ESRRG: variants seen among roughly 807,000 people sequenced by gnomAD.
ESRRG encodes estrogen related receptor gamma, also known as estrogen-related receptor gamma.
ESRRG carries 13 observed loss-of-function variants against 44.0 expected under a neutral mutation model. The observed-to-expected ratio is 0.30, with a 90% CI of 0.19 to 0.47. The LOEUF is 0.47. Ranked by LOEUF, ESRRG falls within the 20% of genes least tolerant of loss-of-function variation. ESRRG has a pLI of 1.00. For missense variants in ESRRG, 395 were observed against 580.6 expected, an observed-to-expected ratio of 0.68 and a Z score of 3.29; for synonymous variants, 215 against 214.6, an observed-to-expected ratio of 1.00 and a Z score of -0.02.
At chr1:216,879,928 T>G (rs547324322) in intron 2 of ESRRG, among the ~76,000 whole-genome samples, 1 of 152,194 alleles carries the variant, frequency 6.6e-6, no homozygotes, top group Non-Finnish European at 1.5e-5. Context: ...ATTTGTGAAC[T>G]ATATAGTTGT....
intron 1 of ESRRG, among the ~76,000 whole-genome samples, chr1:217,026,364 T>A (rs2081176948): frequency 6.6e-6 from 1 of 152,190 alleles, no homozygotes; most frequent in Non-Finnish European, 1.5e-5. Context: ...ACCAAATCAG[T>A]CACATTTATT....
In ESRRG at chr1:217,039,846, T is replaced by C. The variant is rs183148071; in HGVS notation, c.-106+49661A>G. Among the ~76,000 whole-genome samples, 182 of 152,076 alleles carry C rather than the reference T, an allele frequency of 1.2e-3. 1 individual carries two copies. Among genetic ancestry groups the C allele is most frequent in the Non-Finnish European group, 3.5e-4 (24 of 67,964 alleles). ...CCTACAATTTGAAGACTGGCTTTTG[T>C]TTTTTCCACCCCATCCCAGTGCTTC... is the stretch of plus-strand genomic sequence containing the variant. On this transcript the variant is annotated intron_variant, in intron 1 of 7. Transcript: ENST00000359162.
chr1:216,998,053 G>T (rs2076586979), intron 1 of ESRRG, among the ~76,000 whole-genome samples: 1 of 152,040 alleles, frequency 6.6e-6, no homozygotes, highest in African/African-American at 2.4e-5. Context: ...TGATCCACTT[G>T]CTACTTACTA....
At chr1:216,924,313 G>T (rs1191279894) in intron 2 of ESRRG, among the ~76,000 whole-genome samples, 1 of 152,176 alleles carries the variant, frequency 6.6e-6, no homozygotes, top group South Asian at 2.1e-4. Context: ...CTAACATGCA[G>T]ATTTCCACTG....
chr1:216,816,546 C>T (rs1481408015), intron 2 of ESRRG, among the ~76,000 whole-genome samples: 1 of 152,156 alleles, frequency 6.6e-6, no homozygotes, highest in Non-Finnish European at 1.5e-5. Context: ...GTAAAAGAAT[C>T]ACACTCTAAG....
In ESRRG at chr1:216,989,318, G is replaced by A. The variant is rs114405706; in HGVS notation, c.-105-49645C>T. Among the ~76,000 whole-genome samples, 357 of 151,580 alleles carry A rather than the reference G, an allele frequency of 2.4e-3. 1 individual carries two copies. The highest frequency in any genetic ancestry group is 4.0e-3 in the Non-Finnish European group (273 of 67,930). On this transcript the variant is annotated intron_variant, in intron 1 of 7. Transcript: ENST00000359162. ...AATACAAAAATTAGCCAGTCATGGT[G>A]GCACGTACCTGTAGTCCCAGCTACT...
intron 3 of ESRRG, among the ~76,000 whole-genome samples, chr1:216,583,440 T>G (rs2063178232): frequency 6.6e-6 from 1 of 152,228 alleles, no homozygotes; most frequent in South Asian, 2.1e-4. Context: ...TCATCTCTGC[T>G]GCCATTGAGG....
At chr1:217,110,336 T>A (rs2092647345) in intron 1 of ESRRG, among the ~76,000 whole-genome samples, 1 of 152,214 alleles carries the variant, frequency 6.6e-6, no homozygotes, top group African/African-American at 2.4e-5. Context: ...AAAATTGGAC[T>A]ACTTCTCATC....
Position 216,813,445 on chromosome 1 carries a change from T to G in ESRRG, c.-14+126137A>C, listed in dbSNP as rs527765357. Among the ~76,000 whole-genome samples, 3 of 152,322 alleles carry G rather than the reference T, an allele frequency of 2.0e-5. No homozygotes were observed. In the East Asian group the frequency reaches 5.8e-4, roughly 29 times the overall value. ...TATTATGGAACTTAGTTATAATGGGTCATGGAGTATGTCCCAACTCAGAGG... is the reference window on the plus strand; with the variant it reads ...TATTATGGAACTTAGTTATAATGGGGCATGGAGTATGTCCCAACTCAGAGG... On this transcript the variant is annotated intron_variant, in intron 2 of 7. Transcript: ENST00000359162.
At chr1:216,814,636 G>A (rs185599381) in intron 2 of ESRRG, among the ~76,000 whole-genome samples, 7 of 152,148 alleles carry the variant, frequency 4.6e-5, no homozygotes, top group Admixed American at 3.3e-4. Context: ...TTTGAAATGC[G>A]CTTTTTGCTC....
intron 2 of ESRRG, among the ~76,000 whole-genome samples, chr1:216,775,551 C>CTTTTTTTTTTTTTTTTTTTTTTTTTTT (rs71163765): frequency 1.3e-5 from 1 of 74,786 alleles, no homozygotes; most frequent in Non-Finnish European, 2.8e-5. Context: ...AATGTCACAT[C>CTTTTTTTTTTTTTTTTTTTTTTTTTTT]TTTTTTTTTT....
chr1:217,087,003 T>G (rs1035109126), intron 1 of ESRRG, among the ~76,000 whole-genome samples: 1 of 152,160 alleles, frequency 6.6e-6, no homozygotes, highest in African/African-American at 2.4e-5. Context: ...CCCTTTCCAA[T>G]GACACACTCA....
intron 1 of ESRRG, among the ~76,000 whole-genome samples, chr1:217,058,921 T>C (rs2087743629): frequency 6.8e-6 from 1 of 146,408 alleles, no homozygotes; most frequent in Admixed American, 6.8e-5. Context: ...CTATATAAAA[T>C]ATAAGATAAT....
intron 1 of ESRRG, among the ~76,000 whole-genome samples, chr1:217,074,449 C>CA (rs2091003748): frequency 1.6e-5 from 2 of 122,772 alleles, no homozygotes; most frequent in Non-Finnish European, 3.5e-5. Context: ...AATCCACCCC[C>CA]CCCAAAAAAA....
upstream of ESRRG, among the ~76,000 whole-genome samples, chr1:217,090,949 C>T (rs11572381): frequency 0.35 from 53,261 of 151,874 alleles, 9,772 homozygotes; most frequent in East Asian, 0.47. Flanking sequence ...CATTTTTAGC[C>T]GGTGTGGCCA....
intron 1 of ESRRG, among the ~76,000 whole-genome samples, chr1:217,115,125 GA>G (rs2092707552): frequency 6.6e-6 from 1 of 152,170 alleles, no homozygotes; most frequent in Admixed American, 6.5e-5. Context: ...ATCTTTTAGG[GA>G]AAATATGACT....
At chr1:216,649,167 T>A (rs2068336329) in intron 3 of ESRRG, among the ~76,000 whole-genome samples, 1 of 152,156 alleles carries the variant, frequency 6.6e-6, no homozygotes, top group South Asian at 2.1e-4. Context: ...CAATTTCACA[T>A]AAGTTTTCTT....
At chr1:216,779,354 ATTTATATT>A (rs1576462380) in intron 2 of ESRRG, among the ~76,000 whole-genome samples, 1 of 87,218 alleles carries the variant, frequency 1.1e-5, no homozygotes, top group African/African-American at 4.7e-5. Context: ...AACATAAAAT[ATTTATATT>A]TATTTATAAA....
intron 1 of ESRRG, among the ~76,000 whole-genome samples, chr1:217,026,888 TACACACAC>T (rs71163785): frequency 9.5e-6 from 1 of 105,328 alleles, no homozygotes; most frequent in Non-Finnish European, 1.9e-5. Flanking sequence ...CACACACACA[TACACACAC>T]ACACACACAC....
Sources: allele counts gnomAD v4.1 joint callset (sites outside exome capture counted in the v4.1 genomes callset), GRCh38; gene constraint gnomAD v4.1.1; transcripts MANE v1.5; gene names NCBI Gene and HGNC (gene_info 2026-07-23, HGNC 2026-07-21).